The following FBN2 variants were observed in gnomAD, a reference collection of about 807,000 sequenced individuals.
The protein encoded by FBN2 is fibrillin 2, also known as fibrillin-2.
FBN2 carries 105 observed loss-of-function variants against 355.6 expected under a neutral mutation model. The observed-to-expected ratio is 0.30, with a 90% confidence interval of 0.25 to 0.35. The LOEUF is 0.35. FBN2 is among the 10% of genes least tolerant of loss of function. The pLI is 1.00. For synonymous variants in FBN2, 1,350 were observed against 1,301.2 expected (o/e 1.04, Z -0.81); for missense variants, 3,280 against 3,758.7 (o/e 0.87, Z 3.33).
At chr5:128,428,285 A>G (rs549820728) in intron 7 of FBN2, among the ~76,000 whole-genome samples, 105 of 152,274 alleles carry the variant, frequency 6.9e-4, no homozygotes, top group African/African-American at 2.5e-3. Flanking sequence ...ATACTTCTTA[A>G]CTGAAAAGCT....
chr5:128,430,736 C>T (rs561053118), intron 7 of FBN2, among the ~76,000 whole-genome samples: 8 of 151,854 alleles, frequency 5.3e-5, no homozygotes, highest in Non-Finnish European at 7.4e-5. Context: ...CCCAGCTACT[C>T]GGGAGGCTGA....
At chr5:128,297,085 T>G (rs1347305499) in intron 48 of FBN2, among the ~76,000 whole-genome samples, 1 of 152,190 alleles carries the variant, frequency 6.6e-6, no homozygotes, top group East Asian at 1.9e-4. Context: ...CTGCCTTCAT[T>G]TCGTTATGTA....
rs977858485 is a variant in FBN2, at chr5:128,416,651, A to C, written c.953-7852T>G. Among the ~76,000 whole-genome samples, 7 of 152,268 alleles carry C rather than the reference A, an allele frequency of 4.6e-5. No individual in the cohort carries two copies. In the East Asian group the frequency reaches 1.3e-3, roughly 29 times the overall value. ...ATAGATATCCAGTTTTCCCAGCACC[A>C]TTTACTGAAAAGGATGTCCATTCCT... On this transcript the variant is annotated intron_variant, in intron 7 of 64. Coordinates refer to ENST00000262464, the MANE Select transcript of FBN2 (RefSeq NM_001999.4).
chr5:128,286,114 T>C (rs1305044144), intron 55 of FBN2, among the ~76,000 whole-genome samples: 1 of 152,212 alleles, frequency 6.6e-6, no homozygotes, highest in Non-Finnish European at 1.5e-5. Flanking sequence ...GGAAGAATAG[T>C]GTTTTTGAAA....
chr5:128,528,415 GATAAACTGTTTGAA>G (rs977837112), intron 3 of FBN2, among the ~76,000 whole-genome samples: 57 of 152,154 alleles, frequency 3.7e-4, no homozygotes, highest in African/African-American at 1.4e-3. Context: ...TATAGACTGT[GATAAACTGTTTGAA>G]GTAAACTGTT....
intron 7 of FBN2, among the ~76,000 whole-genome samples, chr5:128,409,696 A>C (rs1753015212): frequency 6.6e-6 from 1 of 152,158 alleles, no homozygotes; most frequent in Non-Finnish European, 1.5e-5. Flanking sequence ...TAATGAACAG[A>C]GGTAGCAAAA....
At chr5:128,536,098 G>C (rs925536039) in intron 2 of FBN2, among the ~76,000 whole-genome samples, 3 of 152,116 alleles carry the variant, frequency 2.0e-5, no homozygotes, top group African/African-American at 7.2e-5. Context: ...GAGTTATCTA[G>C]ATAATTGCTC....
At chr5:128,524,626 T>G (rs1057327874) in intron 4 of FBN2, among the ~76,000 whole-genome samples, 1 of 152,172 alleles carries the variant, frequency 6.6e-6, no homozygotes, top group Non-Finnish European at 1.5e-5. Flanking sequence ...ATTCATAAAT[T>G]GAAAAATGTT....
At chr5:128,500,259 C>T (rs1387506051) in intron 5 of FBN2, among the ~76,000 whole-genome samples, 1 of 150,426 alleles carries the variant, frequency 6.6e-6, no homozygotes, top group Non-Finnish European at 1.5e-5. Context: ...ACAACAACAA[C>T]AAAGGTCAAA....
chr5:128,342,797 C>T (rs1171528086), intron 25 of FBN2, among the ~76,000 whole-genome samples: 3 of 151,454 alleles, frequency 2.0e-5, no homozygotes, highest in East Asian at 1.9e-4. Context: ...AGCACGATCT[C>T]GGCTCACCAA....
intron 62 of FBN2, among the ~76,000 whole-genome samples, chr5:128,264,570 C>A (rs1765071080): frequency 6.6e-6 from 1 of 152,144 alleles, no homozygotes; most frequent in Non-Finnish European, 1.5e-5. Context: ...TATAAGTTTG[C>A]CTTAACTGTC....
chr5:128,368,579 A>C (rs1253965040), intron 16 of FBN2, among the ~76,000 whole-genome samples: 1 of 151,262 alleles, frequency 6.6e-6, no homozygotes, highest in African/African-American at 2.4e-5. Flanking sequence ...ATTTGTCTTC[A>C]CCATGACAGC....
At chr5:128,506,981 G>C (rs1176154381) in intron 5 of FBN2, among the ~76,000 whole-genome samples, 1 of 151,884 alleles carries the variant, frequency 6.6e-6, no homozygotes, top group Non-Finnish European at 1.5e-5. Flanking sequence ...TGATACATTT[G>C]CTAAAATTTT....
intron 5 of FBN2, among the ~76,000 whole-genome samples, chr5:128,497,812 A>C (rs2127135203): frequency 6.6e-6 from 1 of 152,328 alleles, no homozygotes; most frequent in South Asian, 2.1e-4. Flanking sequence ...ATTCTAGTTA[A>C]GTAACAGAAA....
intron 4 of FBN2, among the ~76,000 whole-genome samples, chr5:128,524,774 A>G (rs1347410882): frequency 1.3e-5 from 2 of 152,136 alleles, no homozygotes; most frequent in African/African-American, 4.8e-5. Context: ...TGACAAATAA[A>G]TTGTGTTTGC....
chr5:128,388,751 T>C (rs1166589821), intron 11 of FBN2, among the ~76,000 whole-genome samples: 1 of 152,182 alleles, frequency 6.6e-6, no homozygotes, highest in African/African-American at 2.4e-5. Context: ...GCTCCTTCTC[T>C]TTAGTTGCCT....
intron 7 of FBN2, chr5:128,446,155 C>T (rs1234041654): frequency 1.5e-5 from 4 of 268,392 alleles, no homozygotes; most frequent in East Asian, 8.2e-5. Context: ...TTATTTCTAT[C>T]TCAATTTTCG....
intron 8 of FBN2, among the ~76,000 whole-genome samples, chr5:128,402,510 G>T (rs926112920): frequency 1.3e-5 from 2 of 151,980 alleles, no homozygotes; most frequent in Admixed American, 6.6e-5. Flanking sequence ...ATCAGAGTTT[G>T]TTTCATAGCT....
intron 25 of FBN2, among the ~76,000 whole-genome samples, chr5:128,341,330 C>G (rs745717567): frequency 6.6e-6 from 1 of 152,112 alleles, no homozygotes; most frequent in Non-Finnish European, 1.5e-5. Context: ...TCCAGCCCTG[C>G]TTGGATGGTT....
Sources: gnomAD v4.1 joint callset for allele counts (sites outside exome capture counted in the v4.1 genomes callset) on GRCh38, gnomAD v4.1.1 for gene constraint, MANE v1.5 for transcripts, NCBI Gene and HGNC (gene_info 2026-07-23, HGNC 2026-07-21) for gene names.